The following PPP3CA variants were observed in gnomAD, a reference collection of about 807,000 sequenced individuals.
The protein encoded by PPP3CA is protein phosphatase 3 catalytic subunit alpha.
A neutral mutation model predicts 66.5 loss-of-function variants in PPP3CA; 14 were observed. The ratio of observed to expected loss-of-function variants is 0.21; its 90% CI spans 0.14 to 0.33. The LOEUF (loss-of-function observed/expected upper bound fraction) is 0.33, where lower values mean the gene tolerates loss of function less well. Ranked by LOEUF, PPP3CA falls within the 10% of genes least tolerant of loss-of-function variation. The pLI, the probability that PPP3CA is intolerant of heterozygous loss-of-function variation, is 1.00. For synonymous variants in PPP3CA, 232 were observed against 226.2 expected, an observed-to-expected ratio of 1.03 and a Z score of -0.23; for missense variants, 317 against 639.5, an observed-to-expected ratio of 0.50 and a Z score of 5.44.
chr4:101,115,380 G>C (rs1429217569), intron 2 of PPP3CA, among the ~76,000 whole-genome samples: 1 of 151,956 alleles, frequency 6.6e-6, no homozygotes, highest in East Asian at 1.9e-4. Context: ...CTTCTATCCA[G>C]AGAGATGCTG....
At chr4:101,314,173 T>C (rs1728810024) in intron 1 of PPP3CA, among the ~76,000 whole-genome samples, 1 of 152,210 alleles carries the variant, frequency 6.6e-6, no homozygotes, top group South Asian at 2.1e-4. Flanking sequence ...AAAAATATGT[T>C]TGCGATACAC....
At chr4:101,072,510 T>G (rs1728960213) in intron 8 of PPP3CA, among the ~76,000 whole-genome samples, 1 of 152,158 alleles carries the variant, frequency 6.6e-6, no homozygotes, top group African/African-American at 2.4e-5. Flanking sequence ...TAGATTTTCA[T>G]CAATAATATC....
In PPP3CA at chr4:101,040,502, G is replaced by A. The variant is rs1321627663; in HGVS notation, c.1221C>T (p.Ala407=). The A allele has an allele frequency of 6.2e-7, 1 of 1,612,848 alleles. No homozygotes were observed. The highest frequency in any genetic ancestry group is 1.7e-5 in the Admixed American group (1 of 59,670). The change falls in exon 11 of 14, where the codon GCC becomes GCT. Residue 407 remains alanine, a synonymous_variant. Coordinates refer to ENST00000394854, the MANE Select transcript of PPP3CA (RefSeq NM_000944.5). ...CCCACCTGAGCACTGAGAACACTCT[G>A]GCCATTTTGCCTATTGCTCGGATCT... is the stretch of plus-strand genomic sequence containing the variant. ...RNKIRAIGKM[A]RVFSVLREES...
intron 2 of PPP3CA, among the ~76,000 whole-genome samples, chr4:101,115,447 G>A (rs531821863): frequency 6.6e-6 from 1 of 152,012 alleles, no homozygotes; most frequent in African/African-American, 2.4e-5. Context: ...CTTGTTTTAT[G>A]TAAGTGTTAG....
At chr4:101,091,953 T>C (rs1729971102) in intron 6 of PPP3CA, among the ~76,000 whole-genome samples, 1 of 151,878 alleles carries the variant, frequency 6.6e-6, no homozygotes, top group East Asian at 1.9e-4. Context: ...TCATAACCTC[T>C]TTTCTCTTTC....
At chr4:101,109,783 T>G (rs1429439053) in intron 2 of PPP3CA, among the ~76,000 whole-genome samples, 3 of 152,058 alleles carry the variant, frequency 2.0e-5, no homozygotes, top group Non-Finnish European at 4.4e-5. Context: ...TTACTGGGAA[T>G]TGGTATTTCT....
intron 10 of PPP3CA, among the ~76,000 whole-genome samples, chr4:101,056,740 A>C (rs1423894759): frequency 6.6e-6 from 1 of 151,746 alleles, no homozygotes; most frequent in Non-Finnish European, 1.5e-5. Flanking sequence ...AGCAGGAGAG[A>C]GCCAGCCCCA....
chr4:101,104,766 C>T (rs568716838), intron 3 of PPP3CA, among the ~76,000 whole-genome samples: 14 of 152,236 alleles, frequency 9.2e-5, no homozygotes, highest in Non-Finnish European at 7.4e-5. Flanking sequence ...AATGTCCATG[C>T]TATTTTACAT....
intron 2 of PPP3CA, among the ~76,000 whole-genome samples, chr4:101,129,521 C>T (rs1722358851): frequency 6.6e-6 from 1 of 152,128 alleles, no homozygotes; most frequent in Admixed American, 6.5e-5. Flanking sequence ...TGGTGGGTGC[C>T]CCTCTGGGAC....
chr4:101,210,037 T>A (rs1725252682), intron 1 of PPP3CA, among the ~76,000 whole-genome samples: 1 of 152,162 alleles, frequency 6.6e-6, no homozygotes, highest in Non-Finnish European at 1.5e-5. Context: ...TTTTATGTGT[T>A]GCACAAATTT....
chr4:101,076,761 A>G (rs1729214521), intron 8 of PPP3CA, among the ~76,000 whole-genome samples: 1 of 152,208 alleles, frequency 6.6e-6, no homozygotes, highest in Non-Finnish European at 1.5e-5. Flanking sequence ...GAATAAGGGA[A>G]TTTTCCTGCG....
intron 10 of PPP3CA, among the ~76,000 whole-genome samples, chr4:101,041,213 C>G (rs1250486337): frequency 6.6e-6 from 1 of 151,980 alleles, no homozygotes; most frequent in Non-Finnish European, 1.5e-5. Context: ...CATTTTAGTA[C>G]TATTTTTGAA....
At chr4:101,151,558 C>CAA (rs139727679) in intron 2 of PPP3CA, among the ~76,000 whole-genome samples, 4 of 74,314 alleles carry the variant, frequency 5.4e-5, no homozygotes, top group African/African-American at 9.8e-5. Context: ...GACTCTGTAT[C>CAA]AAAAAAAAAA....
At chr4:101,074,089 T>C (rs1290275366) in intron 8 of PPP3CA, among the ~76,000 whole-genome samples, 1 of 152,166 alleles carries the variant, frequency 6.6e-6, no homozygotes, top group Non-Finnish European at 1.5e-5. Flanking sequence ...GTTGTAAGGA[T>C]ACAAAAAAAG....
At chr4:101,192,019 A>C (rs1302277664) in intron 2 of PPP3CA, among the ~76,000 whole-genome samples, 1 of 152,134 alleles carries the variant, frequency 6.6e-6, no homozygotes, top group Non-Finnish European at 1.5e-5. Context: ...CTATTCAAAA[A>C]ACCTAAGCTC....
intron 2 of PPP3CA, among the ~76,000 whole-genome samples, chr4:101,175,367 A>C (rs775807450): frequency 3.3e-5 from 5 of 152,188 alleles, no homozygotes; most frequent in African/African-American, 1.2e-4. Flanking sequence ...ATCACCAGGT[A>C]ATTCTTGTAC....
At chr4:101,201,168 T>A (rs1045342878) in intron 1 of PPP3CA, among the ~76,000 whole-genome samples, 2 of 152,338 alleles carry the variant, frequency 1.3e-5, no homozygotes, top group East Asian at 3.9e-4. Context: ...AAAAAATATG[T>A]CTACTAGAAC....
intron 7 of PPP3CA, among the ~76,000 whole-genome samples, chr4:101,081,375 CA>C (rs1310273531): frequency 1.3e-5 from 2 of 152,066 alleles, no homozygotes; most frequent in African/African-American, 4.8e-5. Flanking sequence ...AATATTTAAT[CA>C]ATCAGTAATG....
At chr4:101,134,108 A>C (rs1722537909) in intron 2 of PPP3CA, among the ~76,000 whole-genome samples, 1 of 152,244 alleles carries the variant, frequency 6.6e-6, no homozygotes, top group Admixed American at 6.5e-5. Context: ...AGATGGATTA[A>C]AGATTTAAAT....
Sources: gnomAD v4.1 joint callset for allele counts (sites outside exome capture counted in the v4.1 genomes callset) on GRCh38, gnomAD v4.1.1 for gene constraint, MANE v1.5 for transcripts, NCBI Gene and HGNC (gene_info 2026-07-23, HGNC 2026-07-21) for gene names.